Variants in TENM4 observed in about 807,000 individuals in gnomAD.
TENM4 encodes the protein teneurin transmembrane protein 4.
Under a neutral mutation model 243.3 loss-of-function variants are expected in TENM4, and 82 were observed. That is an observed-to-expected ratio of 0.34 (90% confidence interval 0.28 to 0.40). The LOEUF is 0.40. Among genes scored for constraint, TENM4 ranks in the 10% least tolerant of loss-of-function variants. The pLI is 1.00. For synonymous variants in TENM4, 1,412 were observed against 1,456.3 expected, an observed-to-expected ratio of 0.97 and a Z score of 0.69; for missense variants, 3,138 against 3,673.3, an observed-to-expected ratio of 0.85 and a Z score of 3.77.
At chr11:78,733,716 G>A (rs1855722996) in intron 20 of TENM4, among the ~76,000 whole-genome samples, 1 of 152,166 alleles carries the variant, frequency 6.6e-6, no homozygotes, top group African/African-American at 2.4e-5. Context: ...GCCCCACATG[G>A]AACCTGATTT....
chr11:79,222,465 A>T (rs577844315), intron 2 of TENM4, among the ~76,000 whole-genome samples: 1 of 152,154 alleles, frequency 6.6e-6, no homozygotes, highest in Non-Finnish European at 1.5e-5. Flanking sequence ...TGCAATAAAC[A>T]TATGTGTGCA....
At chr11:78,939,851 G>T (rs1271662790) in intron 6 of TENM4, among the ~76,000 whole-genome samples, 2 of 152,154 alleles carry the variant, frequency 1.3e-5, no homozygotes, top group Non-Finnish European at 2.9e-5. Flanking sequence ...GAAGGACAGA[G>T]ACTAGGTTCT....
chr11:79,063,834 A>G (rs976818473), intron 6 of TENM4, among the ~76,000 whole-genome samples: 35 of 152,214 alleles, frequency 2.3e-4, no homozygotes, highest in Non-Finnish European at 4.6e-4. Context: ...GGCCTTGGGA[A>G]CGAGCCTCAG....
intron 6 of TENM4, among the ~76,000 whole-genome samples, chr11:78,991,867 C>A (rs931721158): frequency 6.6e-6 from 1 of 152,164 alleles, no homozygotes; most frequent in South Asian, 2.1e-4. Context: ...GCTTCCTCAC[C>A]CTGTGCTGCT....
At chr11:78,842,445 T>C (rs1591064465) in intron 12 of TENM4, among the ~76,000 whole-genome samples, 1 of 152,250 alleles carries the variant, frequency 6.6e-6, no homozygotes, top group African/African-American at 2.4e-5. Flanking sequence ...CATTTATATA[T>C]GTTGCTGCCA....
chr11:78,760,539 C>T (rs954461862), intron 18 of TENM4, among the ~76,000 whole-genome samples: 22 of 152,300 alleles, frequency 1.4e-4, no homozygotes, highest in African/African-American at 5.1e-4. Flanking sequence ...GACAATGAGA[C>T]AAACATTTTC....
intron 1 of TENM4, among the ~76,000 whole-genome samples, chr11:79,339,649 GTTAA>G (rs1291122752): frequency 1.3e-5 from 2 of 152,094 alleles, no homozygotes; most frequent in Non-Finnish European, 2.9e-5. Context: ...GGGTCCCATG[GTTAA>G]GTGATAGCTA....
At chr11:78,972,650 A>C (rs1857571411) in intron 6 of TENM4, among the ~76,000 whole-genome samples, 1 of 152,102 alleles carries the variant, frequency 6.6e-6, no homozygotes. Flanking sequence ...ACTTTCACTG[A>C]GTTTTTAAAA....
At chr11:78,911,149 G>A (rs984917897) in intron 6 of TENM4, among the ~76,000 whole-genome samples, 1 of 152,224 alleles carries the variant, frequency 6.6e-6, no homozygotes, top group African/African-American at 2.4e-5. Context: ...TTAAACAGGG[G>A]TGTATGGAAA....
intron 16 of TENM4, among the ~76,000 whole-genome samples, chr11:78,783,053 C>T (rs115834596): frequency 0.03 from 4,622 of 152,192 alleles, 124 homozygotes; most frequent in African/African-American, 0.067. Context: ...CTGGCATTTT[C>T]TACAGGTGTT....
intron 24 of TENM4, among the ~76,000 whole-genome samples, chr11:78,721,646 C>A (rs901680068): frequency 2.0e-5 from 3 of 152,288 alleles, no homozygotes; most frequent in African/African-American, 4.8e-5. Flanking sequence ...AAACACCTTA[C>A]GGAATTGTTA....
At chr11:79,009,896 C>T (rs577192081) in intron 6 of TENM4, among the ~76,000 whole-genome samples, 3 of 152,236 alleles carry the variant, frequency 2.0e-5, no homozygotes, top group East Asian at 3.9e-4. Flanking sequence ...TGGGAGGGAC[C>T]CTGTGGGAGG....
At chr11:78,902,804 G>C (rs1212816353) in intron 7 of TENM4, among the ~76,000 whole-genome samples, 1 of 152,180 alleles carries the variant, frequency 6.6e-6, no homozygotes, top group Non-Finnish European at 1.5e-5. Context: ...GCCGACGCCA[G>C]GCCAGGCAGG....
intron 15 of TENM4, among the ~76,000 whole-genome samples, chr11:78,792,260 T>C: frequency 6.6e-6 from 1 of 152,192 alleles, no homozygotes; most frequent in Admixed American, 6.5e-5. Context: ...GGTCTCAAAC[T>C]TTGGGGCTAC....
intron 4 of TENM4, among the ~76,000 whole-genome samples, chr11:79,095,272 G>T (rs905372083): frequency 6.6e-6 from 1 of 152,142 alleles, no homozygotes; most frequent in Admixed American, 6.5e-5. Context: ...GAGAGGGCAG[G>T]TGCCTCGCCC....
intron 29 of TENM4, among the ~76,000 whole-genome samples, chr11:78,687,507 T>G (rs1858715067): frequency 6.6e-6 from 1 of 152,092 alleles, no homozygotes; most frequent in South Asian, 2.1e-4. Context: ...TGAGAACAAT[T>G]GAGGCAGATA....
chr11:79,378,014 C>G (rs1421994115), intron 1 of TENM4, among the ~76,000 whole-genome samples: 1 of 152,202 alleles, frequency 6.6e-6, no homozygotes, highest in Non-Finnish European at 1.5e-5. Context: ...TGAACATCCT[C>G]TCATTTCATC....
chr11:78,994,493 C>CT, intron 6 of TENM4, among the ~76,000 whole-genome samples: 1 of 152,324 alleles, frequency 6.6e-6, no homozygotes, highest in Middle Eastern at 3.4e-3. Flanking sequence ...TTCCTCTAAG[C>CT]TGAAAGCTGG....
intron 6 of TENM4, among the ~76,000 whole-genome samples, chr11:78,944,158 C>A (rs1280206377): frequency 2.0e-5 from 3 of 152,238 alleles, no homozygotes; most frequent in Non-Finnish European, 4.4e-5. Context: ...AGAACTGGGA[C>A]TGGAAGCAGA....
Sources: gnomAD v4.1 joint callset for allele counts (sites outside exome capture counted in the v4.1 genomes callset) on GRCh38, gnomAD v4.1.1 for gene constraint, MANE v1.5 for transcripts, NCBI Gene and HGNC (gene_info 2026-07-23, HGNC 2026-07-21) for gene names.